GPBP1L1: variants seen among roughly 807,000 people sequenced by gnomAD.
GPBP1L1 encodes the protein GC-rich promoter binding protein 1 like 1, also known as vasculin-like protein 1.
A neutral mutation model predicts 52.5 loss-of-function variants in GPBP1L1; 23 were observed. The ratio of observed to expected loss-of-function variants is 0.44; its 90% CI spans 0.32 to 0.62. The LOEUF is 0.62. Among genes scored for constraint, GPBP1L1 ranks in the 20% least tolerant of loss-of-function variants. The probability of loss-of-function intolerance (pLI) is 0.06; values close to 1 mark genes in which losing one functional copy is unlikely to be tolerated. For synonymous variants in GPBP1L1, 243 were observed against 203.1 expected, an observed-to-expected ratio of 1.20 and a Z score of -1.67; for missense variants, 596 against 579.3, an observed-to-expected ratio of 1.03 and a Z score of -0.30.
intron 2 of GPBP1L1, among the ~76,000 whole-genome samples, chr1:45,662,933 T>A (rs1644963471): frequency 6.6e-6 from 1 of 150,938 alleles, no homozygotes; most frequent in South Asian, 2.1e-4. Flanking sequence ...TGCCCATAGT[T>A]CCAGCTACTC....
rs78188992 is a variant in GPBP1L1 at position 45,640,756 on chromosome 1, C to T, written c.551-353G>A. ...AGGCACTGTGGCTCATGCCTGTAAT[C>T]TCAGCACTTGGAGGTGCTGAGGTGG... On this transcript the variant is annotated intron_variant, in intron 7 of 12. Transcript: ENST00000355105. Among the ~76,000 whole-genome samples, 459 of 152,308 alleles carry T rather than the reference C, an allele frequency of 3.0e-3. 3 individuals carry two copies. The highest frequency in any genetic ancestry group is 0.022 in the East Asian group (115 of 5,182).
intron 8 of GPBP1L1, chr1:45,635,500 A>T (rs559766030): frequency 6.6e-6 from 1 of 152,208 alleles, no homozygotes; most frequent in Non-Finnish European, 1.5e-5. Flanking sequence ...CAGTAGTACA[A>T]AAGATTTACT....
chr1:45,678,545 T>A (rs1220123710), intron 2 of GPBP1L1, among the ~76,000 whole-genome samples: 1 of 152,086 alleles, frequency 6.6e-6, no homozygotes, highest in Admixed American at 6.5e-5. Context: ...GGTGAATCCA[T>A]CAATCTGTCA....
At chr1:45,665,539 G>A (rs964589585) in intron 2 of GPBP1L1, among the ~76,000 whole-genome samples, 7 of 151,762 alleles carry the variant, frequency 4.6e-5, no homozygotes, top group African/African-American at 9.7e-5. Flanking sequence ...TCACAAGTTC[G>A]AGACCAGCCC....
intron 2 of GPBP1L1, among the ~76,000 whole-genome samples, chr1:45,680,860 A>G (rs189315426): frequency 3.5e-4 from 53 of 152,322 alleles, no homozygotes; most frequent in African/African-American, 1.1e-3. Flanking sequence ...TGAGTATACC[A>G]TAAGTGCAAA....
At chr1:45,657,595 T>G (rs1362809374) in intron 4 of GPBP1L1, among the ~76,000 whole-genome samples, 1 of 152,146 alleles carries the variant, frequency 6.6e-6, no homozygotes, top group African/African-American at 2.4e-5. Flanking sequence ...GGCTCATGCC[T>G]GTAATCTCAG....
chr1:45,683,330 C>G (rs1232514853), intron 2 of GPBP1L1, among the ~76,000 whole-genome samples: 4 of 149,412 alleles, frequency 2.7e-5, no homozygotes, highest in Non-Finnish European at 5.9e-5. Flanking sequence ...CTCAGCCTCC[C>G]GAGTAGCTGG....
intron 6 of GPBP1L1, among the ~76,000 whole-genome samples, chr1:45,652,499 TCTC>T (rs1382331977): frequency 1.3e-5 from 2 of 152,186 alleles, no homozygotes; most frequent in Admixed American, 6.5e-5. Context: ...GCTACAATCT[TCTC>T]TTTTTCTTAA....
chr1:45,672,343 CAAA>C (rs57589371), intron 2 of GPBP1L1, among the ~76,000 whole-genome samples: 26 of 105,498 alleles, frequency 2.5e-4, no homozygotes, highest in Non-Finnish European at 2.6e-4. Flanking sequence ...GCCCAGGCGA[CAAA>C]AAAAAAAAAA....
chr1:45,656,358 AG>A (rs906637942), intron 4 of GPBP1L1, among the ~76,000 whole-genome samples: 1 of 152,236 alleles, frequency 6.6e-6, no homozygotes, highest in African/African-American at 2.4e-5. Flanking sequence ...ATGTTTGACA[AG>A]GAAAACCGTA....
At chr1:45,667,944 G>T (rs1166388270) in intron 2 of GPBP1L1, among the ~76,000 whole-genome samples, 2 of 152,088 alleles carry the variant, frequency 1.3e-5, no homozygotes, top group African/African-American at 4.8e-5. Context: ...TCACCATGTT[G>T]GCCAGGCTGG....
chr1:45,662,267 A>G (rs184551578), intron 2 of GPBP1L1, among the ~76,000 whole-genome samples: 30 of 152,228 alleles, frequency 2.0e-4, no homozygotes, highest in Non-Finnish European at 1.6e-4. Flanking sequence ...CCGAGTAACA[A>G]AAACCATGGG....
At chr1:45,662,665 T>G (rs1644960087) in intron 2 of GPBP1L1, among the ~76,000 whole-genome samples, 1 of 152,172 alleles carries the variant, frequency 6.6e-6, no homozygotes, top group Non-Finnish European at 1.5e-5. Flanking sequence ...CCAAAGAGTT[T>G]CAACTGTATC....
intron 3 of GPBP1L1, 113 bp from the exon 4 acceptor site, chr1:45,659,255 C>G (rs1644919223): frequency 6.2e-6 from 4 of 641,988 alleles, no homozygotes; most frequent in Non-Finnish European, 1.1e-5. Context: ...GCCCTCTGAG[C>G]CTGTCTACAG....
rs66502921 is a variant in GPBP1L1, at chr1:45,663,050, C to CAAAAAAAAAAAAAAAA, written c.-1097-1826_-1097-1825insTTTTTTTTTTTTTTTT. ...TGGGTGACAGAGCCAGACTCTGTCT[C>CAAAAAAAAAAAAAAAA]AAAAAAAAAAAAAAGCAAAAAACCC... On this transcript the variant is annotated intron_variant, in intron 2 of 12. Coordinates refer to ENST00000355105, the MANE Select transcript of GPBP1L1 (RefSeq NM_021639.5). 3.5e-4 allele frequency among the ~76,000 whole-genome samples: 41 copies of CAAAAAAAAAAAAAAAA among 117,168 alleles called. 1 individual carries two copies. Among genetic ancestry groups the CAAAAAAAAAAAAAAAA allele is most frequent in the Admixed American group, 3.0e-3 (32 of 10,696 alleles). The allele number at this position is 117,168 out of a possible 152,430, so 76.9% of individuals were successfully genotyped here. A position where few individuals can be genotyped will look rare whatever the true frequency, so the allele number is the denominator to read the frequency against.
chr1:45,666,582 C>G (rs959343148), intron 2 of GPBP1L1, among the ~76,000 whole-genome samples: 2 of 152,060 alleles, frequency 1.3e-5, no homozygotes, highest in Non-Finnish European at 2.9e-5. Flanking sequence ...TATAATAAAG[C>G]AAGGATGCAG....
rs189064599 is a variant in GPBP1L1 at position 45,656,758 on chromosome 1, T to C, written c.61-1439A>G. ...ACAGCTCACTGTAGCCTCAAACTCC[T>C]TGGCTCAAGCAATCCTCCTGCCTTA... On this transcript the variant is annotated intron_variant, in intron 4 of 12. Transcript: ENST00000355105. Among the ~76,000 whole-genome samples, 574 of 152,078 alleles carry C rather than the reference T, an allele frequency of 3.8e-3. 1 individual carries two copies. The highest frequency in any genetic ancestry group is 5.9e-3 in the Non-Finnish European group (398 of 67,972).
At chr1:45,652,054 T>C (rs192652057) in intron 6 of GPBP1L1, among the ~76,000 whole-genome samples, 1 of 152,364 alleles carries the variant, frequency 6.6e-6, no homozygotes, top group East Asian at 1.9e-4. Context: ...ATGACACTAC[T>C]AACATTTTAG....
intron 8 of GPBP1L1, among the ~76,000 whole-genome samples, chr1:45,637,873 C>T (rs537101357): frequency 5.9e-4 from 90 of 152,060 alleles, no homozygotes; most frequent in South Asian, 1.0e-3. Context: ...TTCTCATTTA[C>T]TCCTCACAAA....
Sources: allele counts gnomAD v4.1 joint callset (sites outside exome capture counted in the v4.1 genomes callset), GRCh38; gene constraint gnomAD v4.1.1; transcripts MANE v1.5; gene names NCBI Gene and HGNC (gene_info 2026-07-23, HGNC 2026-07-21).